The following ACSF3 variants were observed in gnomAD, a reference collection of about 807,000 sequenced individuals.
The protein encoded by ACSF3 is acyl-CoA synthetase family member 3.
In ACSF3, 78 loss-of-function variants were observed where a neutral mutation model predicts 53.2. That is an observed-to-expected ratio of 1.47 (90% CI 1.22 to 1.77). ACSF3 has a LOEUF of 1.77. ACSF3 is among the 40% of genes most tolerant of loss of function. The pLI is 0.00. For missense variants in ACSF3, 937 were observed against 771.1 expected (o/e 1.22, Z -2.55); for synonymous variants, 414 against 333.1 (o/e 1.24, Z -2.65).
At chr16:89,119,042 CCCTG>C (rs1474703241) in intron 6 of ACSF3, among the ~76,000 whole-genome samples, 1 of 152,032 alleles carries the variant, frequency 6.6e-6, no homozygotes, top group Non-Finnish European at 1.5e-5. Context: ...GTGTGGGGGC[CCCTG>C]CCTCAAGCTT....
At chr16:89,151,170 G>T (rs948297112) in intron 10 of ACSF3, 1 of 572,710 alleles carries the variant, frequency 1.7e-6, no homozygotes. Context: ...CAGCAGTTCA[G>T]ATGAAACAGA....
intron 8 of ACSF3, 170 bp from the exon 9 acceptor site, chr16:89,145,092 GCTTAC>G (rs1912640153): frequency 6.5e-7 from 1 of 1,545,044 alleles, no homozygotes; most frequent in African/African-American, 1.4e-5. Context: ...AGGAATGTGG[GCTTAC>G]CTGGCATAGC....
chr16:89,133,224 C>G lies in ACSF3; in HGVS notation c.1328C>G (p.Thr443Ser), dbSNP rs756661716. Residue 443 changes from threonine (T) to serine (S), a missense_variant, in exon 8 of 11, where the codon ACT (threonine) becomes AGT (serine). Coordinates refer to ENST00000614302, the MANE Select transcript of ACSF3 (RefSeq NM_001243279.3). ...FREYWNKPEETKSAFTLDGWF... is the reference protein window; with the variant it reads ...FREYWNKPEESKSAFTLDGWF... The stretch of plus-strand genomic sequence containing the variant: ...GAATACTGGAATAAACCAGAAGAAA[C>G]TAAGAGTGCATTCACCCTGGATGGC... 1.2e-6 allele frequency: 2 copies of G among 1,614,130 alleles called. No homozygotes were observed. The highest frequency in any genetic ancestry group is 1.1e-5 in the South Asian group (1 of 91,088).
chr16:89,111,916 C>A lies in ACSF3; in HGVS notation c.823-176C>A, dbSNP rs78736374. On this transcript the variant is annotated intron_variant, in intron 4 of 10. Coordinates refer to ENST00000614302, the MANE Select transcript of ACSF3 (RefSeq NM_001243279.3). Reference sequence around the variant, plus strand: ...CCCTCACAGGCCAGACGCAGCTGTCCCGCGCAACATGGCTTCTGTGGGAAG... The same window carrying A: ...CCCTCACAGGCCAGACGCAGCTGTCACGCGCAACATGGCTTCTGTGGGAAG... Among the ~76,000 whole-genome samples, 570 of 152,342 alleles carry A rather than the reference C, an allele frequency of 3.7e-3. 8 individuals carry two copies. Among genetic ancestry groups the A allele is most frequent in the African/African-American group, 0.013 (542 of 41,564 alleles).
At position 89,154,197 on chromosome 16, in the gene ACSF3, AC is replaced by A; in HGVS notation, c.1725del (p.Ser576HisfsTer96). 1 of 1,613,110 alleles carries A rather than the reference AC, an allele frequency of 6.2e-7. No homozygotes were observed. Among genetic ancestry groups the A allele is most frequent in the Non-Finnish European group, 8.5e-7 (1 of 1,179,728 alleles). ...AAGAAGGCGCTCATCAGGCACTTCCACCCCTCATGACCCGGCAGACTGGGAC... is the reference window on the plus strand; with the variant it reads ...AAGAAGGCGCTCATCAGGCACTTCCACCCTCATGACCCGGCAGACTGGGAC... The part of the protein sequence containing the change: ...IDKKALIRHF[H>X]PS On this transcript the variant is annotated frameshift_variant, in exon 11 of 11. Transcript: ENST00000614302. LOFTEE classifies it high-confidence loss of function.
intron 8 of ACSF3, chr16:89,136,545 G>A: frequency 7.9e-7 from 1 of 1,271,890 alleles, no homozygotes; most frequent in Non-Finnish European, 1.0e-6. Context: ...CCTTTCCCTG[G>A]CCAGCCCCTC....
At chr16:89,145,854 C>A in intron 9 of ACSF3, 84 bp from the exon 10 acceptor site, 1 of 1,197,448 alleles carries the variant, frequency 8.4e-7, no homozygotes, top group Non-Finnish European at 1.2e-6. Flanking sequence ...CCAGACTGCG[C>A]TCTTCCTGTG....
chr16:89,132,678 CCT>C (rs1364356325), intron 7 of ACSF3, among the ~76,000 whole-genome samples: 1 of 152,270 alleles, frequency 6.6e-6, no homozygotes, highest in African/African-American at 2.4e-5. Flanking sequence ...TGCCCCAGCC[CCT>C]GTGGGCAAGG....
chr16:89,097,035 C>G (rs552135740), intron 1 of ACSF3, among the ~76,000 whole-genome samples: 20 of 152,394 alleles, frequency 1.3e-4, no homozygotes, highest in Admixed American at 1.2e-3. Context: ...CTCTGCTGAG[C>G]TCTGGGTTTT....
chr16:89,146,277 G>A (rs1912940984), intron 10 of ACSF3, among the ~76,000 whole-genome samples: 1 of 152,160 alleles, frequency 6.6e-6, no homozygotes, highest in Non-Finnish European at 1.5e-5. Flanking sequence ...TTCCGAGGGG[G>A]CAGAAACTCA....
intron 4 of ACSF3, 45 bp downstream of exon 4, chr16:89,102,804 C>A: frequency 6.6e-7 from 1 of 1,522,726 alleles, no homozygotes; most frequent in South Asian, 1.1e-5. Flanking sequence ...AGACTAGGCG[C>A]CTTTCCCCTG....
chr16:89,120,370 C>A (rs368784742), intron 6 of ACSF3, among the ~76,000 whole-genome samples: 29 of 152,342 alleles, frequency 1.9e-4, no homozygotes, highest in African/African-American at 6.3e-4. Flanking sequence ...GTCCCCTCAT[C>A]GTGGACAGCC....
chr16:89,112,205 C>A lies in ACSF3; in HGVS notation c.936C>A (p.His312Gln), dbSNP rs202119269. ...ACGACAGGCATTTTACCCAGCCGCA[C>A]GCCCAGGATTTCTTGCGTGCAGTTT... ...EYYDRHFTQP[H>Q]AQDFLRAVCE... Residue 312 changes from histidine (H) to glutamine (Q), a missense_variant, in exon 5 of 11, where the codon CAC (histidine) becomes CAA (glutamine). By Grantham distance (24) the His-to-Gln change is conservative. Coordinates refer to ENST00000614302, the MANE Select transcript of ACSF3 (RefSeq NM_001243279.3). 6.2e-7 allele frequency: 1 copy of A among 1,614,142 alleles called. No homozygotes were observed. Among genetic ancestry groups the A allele is most frequent in the Non-Finnish European group, 8.5e-7 (1 of 1,180,032 alleles).
rs1056070408 is a variant in ACSF3, at chr16:89,154,129, G to C, written c.1653G>C (p.Val551=). 1 of 1,613,278 alleles carries C rather than the reference G, an allele frequency of 6.2e-7. No individual in the cohort carries two copies. Among genetic ancestry groups the C allele is most frequent in the Non-Finnish European group, 8.5e-7 (1 of 1,179,766 alleles). Residue 551 remains valine (V), a synonymous_variant, in exon 11 of 11, where the codon GTG becomes GTC. Transcript: ENST00000614302. The part of the protein sequence containing the change: ...LAPYAVPSEL[V]LVEEIPRNQM... The stretch of plus-strand genomic sequence containing the variant: ...CGTACGCGGTGCCCTCGGAGCTGGT[G>C]CTGGTGGAGGAGATCCCGCGGAACC...
At chr16:89,103,669 C>T (rs1304169418) in intron 4 of ACSF3, among the ~76,000 whole-genome samples, 1 of 152,192 alleles carries the variant, frequency 6.6e-6, no homozygotes, top group African/African-American at 2.4e-5. Flanking sequence ...CTGTGGCAGC[C>T]CTCGGTTACT....
chr16:89,114,619 C>T (rs1030721496), intron 6 of ACSF3, 132 bp downstream of exon 6: 10 of 1,354,008 alleles, frequency 7.4e-6, no homozygotes, highest in South Asian at 2.4e-5. Flanking sequence ...ACAGGCCACT[C>T]GGCCAGGAGA....
chr16:89,151,067 T>C, intron 10 of ACSF3: 1 of 1,288,290 alleles, frequency 7.8e-7, no homozygotes, highest in Non-Finnish European at 1.0e-6. Flanking sequence ...AAAACAGCAT[T>C]CTAAATATCG....
At chr16:89,136,615 C>G (rs916786368) in intron 8 of ACSF3, 1 of 1,287,056 alleles carries the variant, frequency 7.8e-7, no homozygotes, top group African/African-American at 1.5e-5. Context: ...GATGGCTGGA[C>G]ACAGCTGAGG....
rs181457595 is a variant in ACSF3 at position 89,131,162 on chromosome 16, C to G, written c.1240-1974C>G. ...TTTTTTTTTTTTTTTGAGACAGGGT[C>G]TCACTCCGTCACCTAGGCTGAAGTG... On this transcript the variant is annotated intron_variant, in intron 7 of 10. Coordinates refer to ENST00000614302, the MANE Select transcript of ACSF3 (RefSeq NM_001243279.3). Among the ~76,000 whole-genome samples the G allele has an allele frequency of 2.4e-3, 252 of 104,904 alleles. 3 individuals are homozygous for G. Among genetic ancestry groups the G allele is most frequent in the African/African-American group, 8.9e-3 (243 of 27,446 alleles). 68.8% of individuals were successfully genotyped at this position (104,904 alleles called of 152,430 possible).
Sources: allele counts gnomAD v4.1 joint callset (sites outside exome capture counted in the v4.1 genomes callset), GRCh38; gene constraint gnomAD v4.1.1; transcripts MANE v1.5; gene names NCBI Gene and HGNC (gene_info 2026-07-23, HGNC 2026-07-21).